PLXNA4: variants seen among roughly 807,000 people sequenced by gnomAD.
PLXNA4 encodes the protein plexin A4, also known as plexin-A4.
A neutral mutation model predicts 191.8 loss-of-function variants in PLXNA4; 44 were observed. That is an observed-to-expected ratio of 0.23 (90% confidence interval 0.18 to 0.29). The LOEUF is 0.29. Ranked by LOEUF, PLXNA4 falls within the 10% of genes least tolerant of loss-of-function variation. The pLI is 1.00. For synonymous variants in PLXNA4, 1,082 were observed against 1,009.5 expected, an observed-to-expected ratio of 1.07 and a Z score of -1.36; for missense variants, 1,800 against 2,488.8, an observed-to-expected ratio of 0.72 and a Z score of 5.89.
At chr7:132,478,730 G>A (rs971581175) in intron 3 of PLXNA4, among the ~76,000 whole-genome samples, 3 of 152,134 alleles carry the variant, frequency 2.0e-5, no homozygotes, top group African/African-American at 7.2e-5. Flanking sequence ...TTTTGTTTAA[G>A]TTTTGGATGC....
chr7:132,473,203 C>T (rs965613186), intron 3 of PLXNA4, among the ~76,000 whole-genome samples: 2 of 152,198 alleles, frequency 1.3e-5, no homozygotes, highest in African/African-American at 4.8e-5. Flanking sequence ...GGTGCAAACC[C>T]CAAATCTTGC....
chr7:132,468,747 CACACACACAAT>C (rs1563116658), intron 3 of PLXNA4, among the ~76,000 whole-genome samples: 1 of 152,014 alleles, frequency 6.6e-6, no homozygotes, highest in Non-Finnish European at 1.5e-5. Flanking sequence ...CACACACACA[CACACACACAAT>C]ACACACACAC....
intron 31 of PLXNA4, among the ~76,000 whole-genome samples, chr7:132,130,932 T>G (rs1173378350): frequency 2.0e-5 from 3 of 152,202 alleles, no homozygotes; most frequent in African/African-American, 7.2e-5. Flanking sequence ...CAGCAGCTAG[T>G]TCCATATCCG....
Position 132,543,351 on chromosome 7 carries a change from A to G in PLXNA4, c.-87+33071T>C, listed in dbSNP as rs186159970. 5.4e-3 allele frequency among the ~76,000 whole-genome samples: 827 copies of G among 152,294 alleles called. 5 individuals are homozygous for G. The highest frequency in any genetic ancestry group is 8.7e-3 in the Non-Finnish European group (590 of 68,026). On this transcript the variant is annotated intron_variant, in intron 1 of 31. Coordinates refer to ENST00000321063, the MANE Select transcript of PLXNA4 (RefSeq NM_020911.2). Reference sequence around the variant, plus strand: ...GTAATGCCCTGATGCTGTCAAATGCATTGCTTAGACCCTCGGCTGCCTCTT... The same window carrying G: ...GTAATGCCCTGATGCTGTCAAATGCGTTGCTTAGACCCTCGGCTGCCTCTT...
chr7:132,561,414 TTCC>T (rs1465459516), intron 1 of PLXNA4, among the ~76,000 whole-genome samples: 20 of 76,970 alleles, frequency 2.6e-4, no homozygotes, highest in South Asian at 9.9e-4. Context: ...CCTCCTCCTC[TTCC>T]TCCTCCTCCT....
chr7:132,139,465 A>G (rs1278301821), intron 30 of PLXNA4, among the ~76,000 whole-genome samples: 4 of 152,222 alleles, frequency 2.6e-5, no homozygotes, highest in Non-Finnish European at 5.9e-5. Context: ...TAGGTTTCCT[A>G]TATTTAAGCT....
At chr7:132,429,881 A>T (rs545643295) in intron 3 of PLXNA4, among the ~76,000 whole-genome samples, 15 of 152,288 alleles carry the variant, frequency 9.8e-5, no homozygotes, top group East Asian at 9.7e-4. Flanking sequence ...TCAGGAAATC[A>T]TCCTACGAGG....
Position 132,145,274 on chromosome 7 carries a change from C to A in PLXNA4, c.5070G>T (p.Lys1690Asn). 2 of 1,614,216 alleles carry A rather than the reference C, an allele frequency of 1.2e-6. No individual in the cohort carries two copies. Among genetic ancestry groups the A allele is most frequent in the Non-Finnish European group, 1.7e-6 (2 of 1,180,032 alleles). The change falls in exon 29 of 32, where the codon AAG becomes AAT. Residue 1690 changes from lysine to asparagine, a missense_variant. By Grantham distance (94) the Lys-to-Asn change is moderately conservative. Around this residue, in one of 6 missense-constraint regions of PLXNA4, gnomAD observed 101 missense variants for 182.8 expected, o/e 0.55. Coordinates refer to ENST00000321063, the MANE Select transcript of PLXNA4 (RefSeq NM_020911.2). ...TGGTCTCAAAGAGGTCATCCACAAACTTCTGCAGTGTGCCCTGGAGAGGCA... is the reference window on the plus strand; with the variant it reads ...TGGTCTCAAAGAGGTCATCCACAAAATTCTGCAGTGTGCCCTGGAGAGGCA... ...RLLATKGTLQ[K>N]FVDDLFETIF...
At chr7:132,566,944 C>T (rs1801754684) in intron 1 of PLXNA4, among the ~76,000 whole-genome samples, 1 of 152,156 alleles carries the variant, frequency 6.6e-6, no homozygotes, top group African/African-American at 2.4e-5. Context: ...TGAATTCATT[C>T]TTCTGGTTTT....
intron 9 of PLXNA4, among the ~76,000 whole-genome samples, chr7:132,220,763 G>C (rs1313914847): frequency 6.6e-6 from 1 of 151,340 alleles, no homozygotes; most frequent in African/African-American, 2.4e-5. Flanking sequence ...TTCTTCTAAA[G>C]GGATCTCTGC....
chr7:132,326,917 AGAGGGAGG>A (rs912999194), intron 3 of PLXNA4, among the ~76,000 whole-genome samples: 1 of 140,658 alleles, frequency 7.1e-6, no homozygotes, highest in African/African-American at 2.5e-5. Flanking sequence ...GGGGAAAGGA[AGAGGGAGG>A]GAGGGAGGGA....
At position 132,561,561 on chromosome 7, in the gene PLXNA4, C is replaced by CCTCCTCCTTCTCCTA. The variant is rs1554469534; in HGVS notation, c.-87+14860_-87+14861insTAGGAGAAGGAGGAG. On this transcript the variant is annotated intron_variant, in intron 1 of 31. Transcript: ENST00000321063. ...TCCTCCTCCTTCTCCTCCTCCTTCT[C>CCTCCTCCTTCTCCTA]CTCCTCCTTTCCCCTCCTCCTCTTC... Among the ~76,000 whole-genome samples, 175 of 105,698 alleles carry CCTCCTCCTTCTCCTA rather than the reference C, an allele frequency of 1.7e-3. 1 individual carries two copies. The highest frequency in any genetic ancestry group is 6.5e-3 in the African/African-American group (159 of 24,450). The allele number at this position is 105,698 out of a possible 152,430, so 69.3% of individuals were successfully genotyped here. A position where few individuals can be genotyped will look rare whatever the true frequency, so the allele number is the denominator to read the frequency against.
At chr7:132,255,768 C>G (rs192343636) in intron 4 of PLXNA4, among the ~76,000 whole-genome samples, 1 of 152,330 alleles carries the variant, frequency 6.6e-6, no homozygotes, top group East Asian at 1.9e-4. Context: ...ACTTTCCAAC[C>G]AGTTCCCTGT....
intron 3 of PLXNA4, among the ~76,000 whole-genome samples, chr7:132,321,737 T>C (rs1233568370): frequency 6.6e-6 from 1 of 151,942 alleles, no homozygotes; most frequent in Non-Finnish European, 1.5e-5. Context: ...GATGTGTCTG[T>C]GGTTGAGGGT....
upstream of PLXNA4, among the ~76,000 whole-genome samples, chr7:132,578,320 T>C (rs1802332895): frequency 6.6e-6 from 1 of 152,170 alleles, no homozygotes; most frequent in Admixed American, 6.5e-5. Flanking sequence ...AAGCATTCCC[T>C]GGGATAGGCA....
chr7:132,289,880 G>A (rs1385282806), intron 4 of PLXNA4, among the ~76,000 whole-genome samples: 1 of 151,812 alleles, frequency 6.6e-6, no homozygotes, highest in Non-Finnish European at 1.5e-5. Context: ...ATGTTGCCCA[G>A]GTTGATCTCT....
intron 3 of PLXNA4, among the ~76,000 whole-genome samples, chr7:132,458,411 C>G (rs547809686): frequency 1.3e-5 from 2 of 151,980 alleles, no homozygotes; most frequent in African/African-American, 4.8e-5. Flanking sequence ...GAAAGTTATT[C>G]AAATGTTCAT....
At chr7:132,543,342 G>T (rs886378765) in intron 1 of PLXNA4, among the ~76,000 whole-genome samples, 2 of 152,166 alleles carry the variant, frequency 1.3e-5, no homozygotes, top group African/African-American at 4.8e-5. Context: ...CCCTGATGCT[G>T]TCAAATGCAT....
At chr7:132,181,966 AAGGGTGTC>A (rs1379016140) in intron 17 of PLXNA4, 123 bp downstream of exon 17, 17 of 1,438,646 alleles carry the variant, frequency 1.2e-5, no homozygotes, top group African/African-American at 2.8e-5. Context: ...CCTAGTATTC[AAGGGTGTC>A]AGGCTGTGGG....
Sources: gnomAD v4.1 joint callset for allele counts (sites outside exome capture counted in the v4.1 genomes callset) on GRCh38, gnomAD v4.1.1 for gene constraint, gnomAD v4.1.1 regional missense constraint, MANE v1.5 for transcripts, NCBI Gene and HGNC (gene_info 2026-07-23, HGNC 2026-07-21) for gene names.